SRCIN1: variants seen among roughly 807,000 people sequenced by gnomAD.
The protein encoded by SRCIN1 is P130Cas-associated protein.
In SRCIN1, 50 loss-of-function variants were observed where a neutral mutation model predicts 116.2. The ratio of observed to expected loss-of-function variants is 0.43; its 90% confidence interval spans 0.34 to 0.54. SRCIN1 has a LOEUF of 0.54. SRCIN1 is among the 20% of genes least tolerant of loss of function. The pLI is 0.02. For missense variants in SRCIN1, 1,446 were observed against 1,672.0 expected, an observed-to-expected ratio of 0.86 and a Z score of 2.36; for synonymous variants, 736 against 750.0, an observed-to-expected ratio of 0.98 and a Z score of 0.30.
At chr17:38,582,329 G>A (rs534226034) in intron 1 of SRCIN1, among the ~76,000 whole-genome samples, 6 of 152,266 alleles carry the variant, frequency 3.9e-5, no homozygotes, top group Admixed American at 3.9e-4. Context: ...GGAGTGGGAG[G>A]GTCCCCAGGT....
At chr17:38,555,582 A>T (rs8070036) in intron 11 of SRCIN1, among the ~76,000 whole-genome samples, 3,791 of 152,272 alleles carry the variant, frequency 0.025, 171 homozygotes, top group African/African-American at 0.086. Context: ...CTGGCATTTT[A>T]AAAAAAGGAA....
chr17:38,546,685 C>G (rs1905096896), intron 17 of SRCIN1: 2 of 152,516 alleles, frequency 1.3e-5, no homozygotes, highest in African/African-American at 4.8e-5. Flanking sequence ...CCCTTCCATA[C>G]AGCTCATCCT....
intron 7 of SRCIN1, among the ~76,000 whole-genome samples, chr17:38,560,842 C>T (rs55654673): frequency 0.11 from 16,717 of 152,246 alleles, 1,065 homozygotes; most frequent in South Asian, 0.18. Context: ...CTGTGCAGCG[C>T]CTGCCACACA....
At chr17:38,566,986 T>TC (rs2143237471) in intron 3 of SRCIN1, among the ~76,000 whole-genome samples, 1 of 152,040 alleles carries the variant, frequency 6.6e-6, no homozygotes, top group African/African-American at 2.4e-5. Flanking sequence ...AGATAGGGCC[T>TC]CCCTCTGTCA....
Position 38,561,702 on chromosome 17 carries a change from A to G in SRCIN1, c.1461T>C (p.Gly487=), listed in dbSNP as rs964752900. 1 of 1,535,388 alleles carries G rather than the reference A, an allele frequency of 6.5e-7. No individual in the cohort carries two copies. Among genetic ancestry groups the G allele is most frequent in the Non-Finnish European group, 8.7e-7 (1 of 1,146,200 alleles). The change falls in exon 7 of 19, where the codon GGT becomes GGC. Residue 487 remains glycine, a synonymous_variant. Transcript: ENST00000617146. ...KLADVAAPPG[G]PPPPHSPYSG... ...AGTAGGGGCTGTGCGGTGGCGGGGG[A>G]CCTCCGGGGGGTGCTGCCACGTCGG...
rs535055173 is a variant in SRCIN1, at chr17:38,602,363, G to A, written c.22+3321C>T. 1 of 152,332 alleles carries A rather than the reference G, an allele frequency of 6.6e-6. No individual in the cohort carries two copies. Among genetic ancestry groups the A allele is most frequent in the Middle Eastern group, 3.4e-3 (1 of 294 alleles). 9.4% of individuals were successfully genotyped at this position (152,332 alleles called of 1,614,324 possible). On this transcript the variant is annotated intron_variant, in intron 1 of 18. Coordinates refer to ENST00000617146, the MANE Select transcript of SRCIN1 (RefSeq NM_025248.3). This position sits in a 1 kb window ranked among gnomAD's most constrained non-coding sequence, Gnocchi z 4.2. ...ATTATCTTTGCTCGAATGGGCCCTAGGAAGCCAGTGAGGGATTCTTCAAAG... is the reference window on the plus strand; with the variant it reads ...ATTATCTTTGCTCGAATGGGCCCTAAGAAGCCAGTGAGGGATTCTTCAAAG...
chr17:38,569,056 CT>C (rs2143252112), intron 2 of SRCIN1, among the ~76,000 whole-genome samples: 1 of 152,168 alleles, frequency 6.6e-6, no homozygotes, highest in Admixed American at 6.5e-5. Context: ...CAATCAATGG[CT>C]GGGGAGCTGG....
chr17:38,589,013 G>A (rs910013546), intron 1 of SRCIN1, among the ~76,000 whole-genome samples: 17 of 152,164 alleles, frequency 1.1e-4, no homozygotes, highest in Admixed American at 1.1e-3. Context: ...ACACTCAGTC[G>A]CCCAGGCACA....
intron 1 of SRCIN1, among the ~76,000 whole-genome samples, chr17:38,595,548 T>C (rs574839470): frequency 1.3e-5 from 2 of 152,274 alleles, no homozygotes; most frequent in East Asian, 3.9e-4. Context: ...AATGGATGAA[T>C]AGATAAACAA....
chr17:38,558,155 C>G lies in SRCIN1; in HGVS notation c.2201+72G>C. On this transcript the variant is annotated intron_variant, in intron 11 of 18. Coordinates refer to ENST00000617146, the MANE Select transcript of SRCIN1 (RefSeq NM_025248.3). The surrounding 1 kb of genome is among the most constrained non-coding windows in gnomAD (Gnocchi z 4.6). Reference sequence around the variant, plus strand: ...ACTCAGAGGGAAGGGAGCTGCGCCTCCCAGGGAAACCAGGTTGCGGGTCAC... The same window carrying G: ...ACTCAGAGGGAAGGGAGCTGCGCCTGCCAGGGAAACCAGGTTGCGGGTCAC... 1 of 1,554,778 alleles carries G rather than the reference C, an allele frequency of 6.4e-7. No individual in the cohort carries two copies. Among genetic ancestry groups the G allele is most frequent in the African/African-American group, 1.4e-5 (1 of 73,768 alleles).
intron 2 of SRCIN1, among the ~76,000 whole-genome samples, chr17:38,573,933 C>T (rs905989633): frequency 1.3e-5 from 2 of 152,232 alleles, no homozygotes; most frequent in Non-Finnish European, 2.9e-5. Flanking sequence ...GCATGCCAAT[C>T]TGTTACTAGA....
At chr17:38,601,313 G>A (rs1820117210) in intron 1 of SRCIN1, among the ~76,000 whole-genome samples, 1 of 152,156 alleles carries the variant, frequency 6.6e-6, no homozygotes, top group Non-Finnish European at 1.5e-5. Context: ...GGGCCCCAGG[G>A]CGTGGATGGG....
At chr17:38,582,282 G>A (rs1752035796) in intron 1 of SRCIN1, among the ~76,000 whole-genome samples, 1 of 152,146 alleles carries the variant, frequency 6.6e-6, no homozygotes. Context: ...CTGGGGTGGA[G>A]CAAACAGTGT....
rs1290340934 is a variant in SRCIN1 at position 38,552,155 on chromosome 17, C to G, written c.2481-23G>C. 1.3e-6 allele frequency: 2 copies of G among 1,596,688 alleles called. No individual in the cohort carries two copies. Among genetic ancestry groups the G allele is most frequent in the Middle Eastern group, 1.7e-4 (1 of 5,948 alleles). On this transcript the variant is annotated intron_variant, in intron 13 of 18. Coordinates refer to ENST00000617146, the MANE Select transcript of SRCIN1 (RefSeq NM_025248.3). This position sits in a 1 kb window ranked among gnomAD's most constrained non-coding sequence, Gnocchi z 5.3. Reference sequence around the variant, plus strand: ...TGCCTGGGGTTGGGAGAGTTGGGAGCAGCTGTGAGGCCAGCAGGTGGTGAC... The same window carrying G: ...TGCCTGGGGTTGGGAGAGTTGGGAGGAGCTGTGAGGCCAGCAGGTGGTGAC...
At position 38,552,145 on chromosome 17, in the gene SRCIN1, G is replaced by A; in HGVS notation, c.2481-13C>T. 6.2e-7 allele frequency: 1 copy of A among 1,604,110 alleles called. No individual in the cohort carries two copies. Among genetic ancestry groups the A allele is most frequent in the Non-Finnish European group, 8.5e-7 (1 of 1,174,068 alleles). On this transcript the variant is annotated splice_polypyrimidine_tract_variant and intron_variant, in intron 13 of 18. Coordinates refer to ENST00000617146, the MANE Select transcript of SRCIN1 (RefSeq NM_025248.3). The surrounding 1 kb of genome is among the most constrained non-coding windows in gnomAD (Gnocchi z 5.3). ...CTCATCCACTTGCCTGGGGTTGGGAGAGTTGGGAGCAGCTGTGAGGCCAGC... is the reference window on the plus strand; with the variant it reads ...CTCATCCACTTGCCTGGGGTTGGGAAAGTTGGGAGCAGCTGTGAGGCCAGC...
At chr17:38,594,992 G>A (rs993720660) in intron 1 of SRCIN1, among the ~76,000 whole-genome samples, 1 of 152,266 alleles carries the variant, frequency 6.6e-6, no homozygotes, top group African/African-American at 2.4e-5. Flanking sequence ...GGCACATTAT[G>A]AGAGGACACT....
At chr17:38,590,955 G>C (rs1009751732) in intron 1 of SRCIN1, among the ~76,000 whole-genome samples, 2 of 152,180 alleles carry the variant, frequency 1.3e-5, no homozygotes, top group Admixed American at 6.5e-5. Context: ...AGTCCTCTTG[G>C]GGGGGCCTAT....
In SRCIN1 at chr17:38,572,156, C is replaced by T. The variant is rs568882560; in HGVS notation, c.325-3925G>A. 6.6e-6 allele frequency among the ~76,000 whole-genome samples: 1 copy of T among 152,326 alleles called. No individual in the cohort carries two copies. The highest frequency in any genetic ancestry group is 2.1e-4 in the South Asian group (1 of 4,832). ...CACGGGTCCACACCGGCTCCTTAATCCCCTGGCTGTGCTGCACCGGTGCAC... is the reference window on the plus strand; with the variant it reads ...CACGGGTCCACACCGGCTCCTTAATTCCCTGGCTGTGCTGCACCGGTGCAC... On this transcript the variant is annotated intron_variant, in intron 2 of 18. Transcript: ENST00000617146. The surrounding 1 kb of genome is among the most constrained non-coding windows in gnomAD (Gnocchi z 4.3).
intron 1 of SRCIN1, among the ~76,000 whole-genome samples, chr17:38,596,465 T>C (rs1908737324): frequency 6.6e-6 from 1 of 152,114 alleles, no homozygotes; most frequent in Non-Finnish European, 1.5e-5. Context: ...CAGAACTGGG[T>C]TCCCAGGACA....
Sources: allele counts gnomAD v4.1 joint callset (sites outside exome capture counted in the v4.1 genomes callset), GRCh38; gene constraint gnomAD v4.1.1; non-coding constraint Gnocchi (gnomAD v3.1); transcripts MANE v1.5; gene names NCBI Gene and HGNC (gene_info 2026-07-23, HGNC 2026-07-21).